Variants in STARD13 observed in about 807,000 individuals in gnomAD.
STARD13 encodes the protein StAR related lipid transfer domain containing 13.
A neutral mutation model predicts 106.4 loss-of-function variants in STARD13; 62 were observed. The ratio of observed to expected loss-of-function variants is 0.58; its 90% CI spans 0.48 to 0.72. STARD13 has a LOEUF of 0.72. STARD13 is among the 30% of genes least tolerant of loss of function. The pLI is 0.00. For missense variants in STARD13, 1,387 were observed against 1,424.0 expected (o/e 0.97, Z 0.42); for synonymous variants, 565 against 553.0 (o/e 1.02, Z -0.31).
At chr13:33,244,253 G>A (rs1023341191) in intron 1 of STARD13, among the ~76,000 whole-genome samples, 13 of 152,086 alleles carry the variant, frequency 8.5e-5, no homozygotes, top group Non-Finnish European at 1.5e-4. Flanking sequence ...TGAGGAATTA[G>A]TCTCAAGAGA....
At chr13:33,528,771 C>T in the STARD13 span, among the ~76,000 whole-genome samples, 10 of 151,990 alleles carry the variant, frequency 6.6e-5, no homozygotes, top group Non-Finnish European at 1.2e-4. Context: ...ATCATAGTAA[C>T]GATCATCTTT....
chr13:33,446,280 T>G, the STARD13 span, among the ~76,000 whole-genome samples: 1 of 152,176 alleles, frequency 6.6e-6, no homozygotes, highest in Non-Finnish European at 1.5e-5. Context: ...AAAAATTCTA[T>G]ATAGTGATTT....
the STARD13 span, among the ~76,000 whole-genome samples, chr13:33,594,251 T>C: frequency 6.6e-6 from 1 of 152,192 alleles, no homozygotes; most frequent in Non-Finnish European, 1.5e-5. Flanking sequence ...AAGATACCCA[T>C]TACATCTGAA....
the STARD13 span, among the ~76,000 whole-genome samples, chr13:33,640,480 T>G: frequency 2.0e-5 from 3 of 152,196 alleles, no homozygotes; most frequent in African/African-American, 7.2e-5. Context: ...TGGAGTTCCA[T>G]TCAGTGAGTG....
At chr13:33,171,122 G>A (rs1180590833) in intron 1 of STARD13, among the ~76,000 whole-genome samples, 1 of 152,112 alleles carries the variant, frequency 6.6e-6, no homozygotes, top group Admixed American at 6.5e-5. Flanking sequence ...CTTTTTTATT[G>A]TTCTCTTGCT....
chr13:33,507,336 A>G, the STARD13 span, among the ~76,000 whole-genome samples: 2 of 152,200 alleles, frequency 1.3e-5, no homozygotes, highest in African/African-American at 4.8e-5. Context: ...TTGAAAATAT[A>G]GTAATGTTTC....
At chr13:33,112,986 T>A in intron 8 of STARD13, 55 bp from the exon 9 acceptor site, 1 of 1,372,764 alleles carries the variant, frequency 7.3e-7, no homozygotes, top group Non-Finnish European at 1.0e-6. Context: ...AAGAGCCAGC[T>A]GGGAAGCACT....
chr13:33,483,216 T>G, the STARD13 span, among the ~76,000 whole-genome samples: 1 of 152,196 alleles, frequency 6.6e-6, no homozygotes, highest in Non-Finnish European at 1.5e-5. Context: ...GATAAAAATC[T>G]AGAACAGCTG....
At chr13:33,172,681 C>CACTTTGAAA (rs1884107444) in intron 1 of STARD13, among the ~76,000 whole-genome samples, 1 of 152,198 alleles carries the variant, frequency 6.6e-6, no homozygotes, top group Admixed American at 6.5e-5. Context: ...ACGTTTTTCT[C>CACTTTGAAA]AGCATAGCAA....
the STARD13 span, among the ~76,000 whole-genome samples, chr13:33,414,057 A>G: frequency 6.6e-6 from 1 of 150,680 alleles, no homozygotes; most frequent in South Asian, 2.1e-4. Context: ...AAAAGAAAAG[A>G]AAAAAGGAAA....
downstream of STARD13, among the ~76,000 whole-genome samples, chr13:33,346,933 T>C (rs1342652847): frequency 6.6e-6 from 1 of 152,168 alleles, no homozygotes; most frequent in Non-Finnish European, 1.5e-5. Flanking sequence ...CCGCTGCACC[T>C]GGCCACAAAT....
At chr13:33,584,901 A>G in the STARD13 span, among the ~76,000 whole-genome samples, 4 of 152,028 alleles carry the variant, frequency 2.6e-5, no homozygotes, top group South Asian at 2.1e-4. Flanking sequence ...TGCTCTGGCC[A>G]TGGCACCTCC....
At chr13:33,456,720 A>T in the STARD13 span, among the ~76,000 whole-genome samples, 9 of 152,174 alleles carry the variant, frequency 5.9e-5, no homozygotes, top group Non-Finnish European at 1.0e-4. Context: ...TAAAAGACAC[A>T]CCAGAAAGCT....
intron 1 of STARD13, among the ~76,000 whole-genome samples, chr13:33,208,434 G>A (rs1887536453): frequency 6.6e-6 from 1 of 152,214 alleles, no homozygotes; most frequent in African/African-American, 2.4e-5. Flanking sequence ...TGCTGCTGAA[G>A]CACAGGGAAC....
chr13:33,656,312 G>A, the STARD13 span, among the ~76,000 whole-genome samples: 10 of 152,140 alleles, frequency 6.6e-5, no homozygotes, highest in South Asian at 4.2e-4. Flanking sequence ...AAGAGAAGAC[G>A]GAATGGAAGA....
At chr13:33,248,858 T>C (rs1202224693) in intron 1 of STARD13, among the ~76,000 whole-genome samples, 2 of 152,208 alleles carry the variant, frequency 1.3e-5, no homozygotes, top group African/African-American at 4.8e-5. Context: ...TACTCCCTGG[T>C]CTTAGATTTT....
chr13:33,262,662 A>ACACACAACACACACACACACAC (rs5802678), intron 1 of STARD13, among the ~76,000 whole-genome samples: 7 of 114,986 alleles, frequency 6.1e-5, no homozygotes, highest in African/African-American at 2.3e-4. Context: ...ACACACACAC[A>ACACACAACACACACACACACAC]ACACACACAC....
At chr13:33,575,507 G>A in the STARD13 span, among the ~76,000 whole-genome samples, 2 of 152,182 alleles carry the variant, frequency 1.3e-5, no homozygotes, top group Non-Finnish European at 2.9e-5. Context: ...CTGCTGTGGT[G>A]ATGTTGGGAG....
intron 1 of STARD13, among the ~76,000 whole-genome samples, chr13:33,231,543 T>G (rs1180930582): frequency 1.3e-5 from 2 of 151,702 alleles, no homozygotes; most frequent in South Asian, 2.1e-4. Context: ...TTTGGGGGAG[T>G]TGTGGTTTGG....
Sources: gnomAD v4.1 joint callset for allele counts (sites outside exome capture counted in the v4.1 genomes callset) on GRCh38, gnomAD v4.1.1 for gene constraint, MANE v1.5 for transcripts, NCBI Gene and HGNC (gene_info 2026-07-23, HGNC 2026-07-21) for gene names.